The following PPFIA2 variants were observed in gnomAD, a reference collection of about 807,000 sequenced individuals.
The protein encoded by PPFIA2 is liprin-alpha-2.
PPFIA2 carries 46 observed loss-of-function variants against 175.5 expected under a neutral mutation model. The observed-to-expected ratio is 0.26, with a 90% confidence interval of 0.21 to 0.34. The LOEUF is 0.34. PPFIA2 is among the 10% of genes least tolerant of loss of function. The pLI, the probability that PPFIA2 is intolerant of heterozygous loss-of-function variation, is 1.00. For missense variants in PPFIA2, 1,179 were observed against 1,506.1 expected (o/e 0.78, Z 3.60); for synonymous variants, 568 against 511.4 (o/e 1.11, Z -1.49).
At chr12:81,572,895 G>A (rs1398466917) in intron 4 of PPFIA2, among the ~76,000 whole-genome samples, 2 of 151,906 alleles carry the variant, frequency 1.3e-5, no homozygotes, top group Non-Finnish European at 2.9e-5. Context: ...AGGACATATG[G>A]ATCAACTTGA....
chr12:81,554,117 G>A (rs1175021665), intron 4 of PPFIA2, among the ~76,000 whole-genome samples: 1 of 152,002 alleles, frequency 6.6e-6, no homozygotes, highest in Non-Finnish European at 1.5e-5. Context: ...AGACTCAGTT[G>A]AAGGGTGCTT....
intron 6 of PPFIA2, among the ~76,000 whole-genome samples, chr12:81,442,894 T>TATATATAA (rs1566851216): frequency 1.7e-5 from 2 of 115,512 alleles, no homozygotes; most frequent in Non-Finnish European, 3.6e-5. Context: ...TATATATATA[T>TATATATAA]ATATAGTATT....
intron 4 of PPFIA2, among the ~76,000 whole-genome samples, chr12:81,551,748 T>C (rs1343534196): frequency 6.6e-6 from 1 of 151,990 alleles, no homozygotes; most frequent in Non-Finnish European, 1.5e-5. Context: ...GTGATTTTTG[T>C]ATTGTATATA....
intron 4 of PPFIA2, among the ~76,000 whole-genome samples, chr12:81,659,037 T>C (rs533492918): frequency 3.3e-5 from 5 of 152,314 alleles, no homozygotes; most frequent in Admixed American, 6.5e-5. Flanking sequence ...TTTCTTTAAA[T>C]ACCTTTTTCC....
At chr12:81,644,500 C>T (rs2065788103) in intron 4 of PPFIA2, among the ~76,000 whole-genome samples, 1 of 151,946 alleles carries the variant, frequency 6.6e-6, no homozygotes, top group South Asian at 2.1e-4. Flanking sequence ...TTAGCAAGTA[C>T]AATATTGCAG....
At chr12:81,442,773 T>C (rs1380990503) in intron 6 of PPFIA2, among the ~76,000 whole-genome samples, 1 of 143,436 alleles carries the variant, frequency 7.0e-6, no homozygotes, top group Non-Finnish European at 1.5e-5. Flanking sequence ...GCTCTGCATA[T>C]GTACTAATCC....
intron 8 of PPFIA2, among the ~76,000 whole-genome samples, chr12:81,395,268 T>A (rs778327108): frequency 6.6e-6 from 1 of 151,884 alleles, no homozygotes; most frequent in Admixed American, 6.6e-5. Context: ...ATATATAAGA[T>A]CTCTATGGGA....
At chr12:81,635,847 T>C (rs1354450973) in intron 4 of PPFIA2, among the ~76,000 whole-genome samples, 1 of 152,094 alleles carries the variant, frequency 6.6e-6, no homozygotes, top group African/African-American at 2.4e-5. Context: ...AGTATCAAAG[T>C]CACACTTTAA....
In PPFIA2 at chr12:81,483,766, T is replaced by C. The variant is rs145594609; in HGVS notation, c.304-25900A>G. 1.1e-4 allele frequency among the ~76,000 whole-genome samples: 16 copies of C among 152,264 alleles called. No homozygotes were observed. In the East Asian group the frequency reaches 3.1e-3, roughly 29 times the overall value. ...AAATCAAAATGGAAAATAACTTTCA[T>C]AGAAGGTTCTATTTCTGAAGTTTAA... On this transcript the variant is annotated intron_variant, in intron 4 of 32. Coordinates refer to ENST00000549396, the MANE Select transcript of PPFIA2 (RefSeq NM_003625.5).
intron 3 of PPFIA2, among the ~76,000 whole-genome samples, chr12:81,748,389 C>T (rs2083320176): frequency 6.9e-6 from 1 of 144,630 alleles, no homozygotes; most frequent in South Asian, 2.2e-4. Flanking sequence ...CTGCTTTCCA[C>T]TCTCTCTAGG....
intron 14 of PPFIA2, among the ~76,000 whole-genome samples, chr12:81,366,088 C>T (rs963980325): frequency 6.9e-6 from 1 of 145,612 alleles, no homozygotes; most frequent in South Asian, 2.2e-4. Context: ...TTTCTTCCCC[C>T]TCTCCCTTCT....
intron 4 of PPFIA2, among the ~76,000 whole-genome samples, chr12:81,582,027 C>T (rs928396998): frequency 6.6e-6 from 1 of 151,852 alleles, no homozygotes; most frequent in African/African-American, 2.4e-5. Flanking sequence ...GGCCCAAATT[C>T]ATATTTCCTG....
intron 5 of PPFIA2, among the ~76,000 whole-genome samples, chr12:81,449,585 C>T (rs1034073591): frequency 7.9e-5 from 12 of 151,568 alleles, no homozygotes; most frequent in African/African-American, 2.9e-4. Flanking sequence ...CACACCATTA[C>T]ATCATTTAGA....
chr12:81,677,259 CAT>C (rs1434170322), intron 3 of PPFIA2, among the ~76,000 whole-genome samples: 2 of 151,654 alleles, frequency 1.3e-5, no homozygotes, highest in East Asian at 1.9e-4. Context: ...ATATTTATGA[CAT>C]ATGATATTTT....
chr12:81,424,618 T>A (rs1821864836), intron 7 of PPFIA2, among the ~76,000 whole-genome samples: 1 of 152,222 alleles, frequency 6.6e-6, no homozygotes, highest in Non-Finnish European at 1.5e-5. Flanking sequence ...CTTTTGTATA[T>A]GGCCATGAAA....
At chr12:81,341,813 A>G (rs2058138189) in intron 19 of PPFIA2, among the ~76,000 whole-genome samples, 1 of 152,140 alleles carries the variant, frequency 6.6e-6, no homozygotes, top group Non-Finnish European at 1.5e-5. Context: ...ACAATTCACT[A>G]ACATATAGCA....
At chr12:81,679,071 T>C (rs1431015589) in intron 3 of PPFIA2, among the ~76,000 whole-genome samples, 1 of 151,918 alleles carries the variant, frequency 6.6e-6, no homozygotes, top group Non-Finnish European at 1.5e-5. Context: ...GGAATATTAA[T>C]ATCCTTATCA....
intron 4 of PPFIA2, among the ~76,000 whole-genome samples, chr12:81,564,951 T>C (rs1338216261): frequency 6.6e-6 from 1 of 152,148 alleles, no homozygotes; most frequent in African/African-American, 2.4e-5. Context: ...GAAAGGTGCA[T>C]GCACAACCTC....
intron 4 of PPFIA2, among the ~76,000 whole-genome samples, chr12:81,542,413 T>G (rs2066361585): frequency 6.6e-6 from 1 of 152,180 alleles, no homozygotes; most frequent in African/African-American, 2.4e-5. Flanking sequence ...AGCCACTGAT[T>G]TTGTGGTAAT....
Sources: gnomAD v4.1 joint callset for allele counts (sites outside exome capture counted in the v4.1 genomes callset) on GRCh38, gnomAD v4.1.1 for gene constraint, MANE v1.5 for transcripts, NCBI Gene and HGNC (gene_info 2026-07-23, HGNC 2026-07-21) for gene names.